Variants in RSU1 observed in about 807,000 individuals in gnomAD.
RSU1 encodes rsu-1.
In RSU1, 26 loss-of-function variants were observed where a neutral mutation model predicts 31.1. The ratio of observed to expected loss-of-function variants is 0.84; its 90% CI spans 0.61 to 1.16. The LOEUF (loss-of-function observed/expected upper bound fraction) is 1.16. Among genes scored for constraint, RSU1 ranks in the 50% most tolerant of loss-of-function variants. RSU1 has a pLI of 0.00. For synonymous variants in RSU1, 164 were observed against 136.3 expected (o/e 1.20, Z -1.41); for missense variants, 320 against 339.1 (o/e 0.94, Z 0.44).
intron 2 of RSU1, among the ~76,000 whole-genome samples, chr10:16,812,315 G>A (rs565069922): frequency 6.7e-4 from 102 of 152,266 alleles, no homozygotes; most frequent in African/African-American, 1.8e-3. Flanking sequence ...GGTGGCGCAC[G>A]CCTGTAACCC....
At chr10:16,743,388 T>C (rs912275054) in intron 7 of RSU1, among the ~76,000 whole-genome samples, 1 of 152,178 alleles carries the variant, frequency 6.6e-6, no homozygotes, top group African/African-American at 2.4e-5. Context: ...CTTGGTCCCA[T>C]CATCTTTAAA....
intron 2 of RSU1, among the ~76,000 whole-genome samples, chr10:16,798,114 G>A (rs1047894872): frequency 3.3e-5 from 5 of 151,746 alleles, no homozygotes; most frequent in Admixed American, 1.3e-4. Flanking sequence ...TGCCTGCCTC[G>A]GCCTCCCAAA....
chr10:16,751,375 AAG>A (rs1320651102), intron 7 of RSU1, among the ~76,000 whole-genome samples: 1 of 152,176 alleles, frequency 6.6e-6, no homozygotes, highest in East Asian at 1.9e-4. Flanking sequence ...GGGAAATGGC[AAG>A]AGAGGAGGCG....
intron 4 of RSU1, among the ~76,000 whole-genome samples, chr10:16,756,410 A>T (rs895123519): frequency 1.3e-5 from 2 of 152,134 alleles, no homozygotes; most frequent in African/African-American, 4.8e-5. Context: ...GTCCAATGAG[A>T]CATGGATATT....
intron 7 of RSU1, among the ~76,000 whole-genome samples, chr10:16,733,238 C>T (rs1836550483): frequency 6.6e-6 from 1 of 150,896 alleles, no homozygotes; most frequent in Non-Finnish European, 1.5e-5. Context: ...TGCCTGTAAT[C>T]CCAGCACTTT....
intron 8 of RSU1, among the ~76,000 whole-genome samples, chr10:16,643,250 T>C (rs879517483): frequency 2.0e-5 from 3 of 152,184 alleles, no homozygotes; most frequent in Non-Finnish European, 2.9e-5. Flanking sequence ...AGATGTGATC[T>C]GTTACTGAGA....
At chr10:16,637,549 G>A (rs2131497681) in intron 8 of RSU1, among the ~76,000 whole-genome samples, 1 of 152,078 alleles carries the variant, frequency 6.6e-6, no homozygotes, top group African/African-American at 2.4e-5. Flanking sequence ...AGAATCCTTA[G>A]GCGGGGATGA....
rs1588694178 is a variant in RSU1 at position 16,649,129 on chromosome 10, T to G, written c.731+45894A>C. On this transcript the variant is annotated intron_variant, in intron 8 of 8. Coordinates refer to ENST00000345264, the MANE Select transcript of RSU1 (RefSeq NM_012425.4). Reference sequence around the variant, plus strand: ...ACAATCTCATCTTTATTTTAATTTATTTTTTGAACCATCAATGCAGTCTTA... The same window carrying G: ...ACAATCTCATCTTTATTTTAATTTAGTTTTTGAACCATCAATGCAGTCTTA... Among the ~76,000 whole-genome samples the G allele has an allele frequency of 6.6e-5, 10 of 152,340 alleles. No homozygotes were observed. In the South Asian group the frequency reaches 1.7e-3, roughly 25 times the overall value.
At chr10:16,750,863 C>CTTT (rs11296913) in intron 7 of RSU1, among the ~76,000 whole-genome samples, 2 of 139,780 alleles carry the variant, frequency 1.4e-5, no homozygotes, top group African/African-American at 2.6e-5. Context: ...CAAGATCTCT[C>CTTT]TTTTTTTTTT....
At chr10:16,649,940 C>T (rs556455251) in intron 8 of RSU1, among the ~76,000 whole-genome samples, 1 of 152,334 alleles carries the variant, frequency 6.6e-6, no homozygotes, top group South Asian at 2.1e-4. Flanking sequence ...AAAGTAAACA[C>T]ATCTTGCCAT....
Position 16,695,157 on chromosome 10 carries a change from T to TGGCG in RSU1, c.599-3_599-2insCGCC. ...TCTGGCCAGTTAAATCCAAGTTTCCTGGGGGGGGGGAAAAAAAAAGTGAAG... is the reference window on the plus strand; with the variant it reads ...TCTGGCCAGTTAAATCCAAGTTTCCTGGCGGGGGGGGGGGAAAAAAAAAGTGAAG... On this transcript the variant is annotated splice_polypyrimidine_tract_variant and splice_region_variant and intron_variant, in intron 7 of 8. Transcript: ENST00000345264. The TGGCG allele has an allele frequency of 1.2e-5, 14 of 1,202,568 alleles. No homozygotes were observed. Among genetic ancestry groups the TGGCG allele is most frequent in the Middle Eastern group, 2.2e-4 (1 of 4,596 alleles). 74.5% of individuals were successfully genotyped at this position (1,202,568 alleles called of 1,614,324 possible).
At chr10:16,801,500 G>GT (rs1838155061) in intron 2 of RSU1, among the ~76,000 whole-genome samples, 3 of 152,130 alleles carry the variant, frequency 2.0e-5, no homozygotes, top group Admixed American at 2.0e-4. Flanking sequence ...CAGAAAATCA[G>GT]TAAGGACAGA....
intron 8 of RSU1, among the ~76,000 whole-genome samples, chr10:16,693,650 C>G (rs1228415309): frequency 6.6e-6 from 1 of 151,778 alleles, no homozygotes; most frequent in East Asian, 1.9e-4. Context: ...TGCTTGACAC[C>G]AGGAGTTTGA....
chr10:16,814,451 GAAA>G (rs369214166), intron 2 of RSU1, among the ~76,000 whole-genome samples: 56 of 121,182 alleles, frequency 4.6e-4, no homozygotes, highest in African/African-American at 1.5e-3. Context: ...CTGTTTTCAG[GAAA>G]AAAAAAAAAA....
chr10:16,640,631 C>G (rs1228389631), intron 8 of RSU1, among the ~76,000 whole-genome samples: 2 of 152,358 alleles, frequency 1.3e-5, no homozygotes, highest in East Asian at 3.9e-4. Context: ...GGCCTTACCC[C>G]CTGCTGCCAC....
intron 8 of RSU1, among the ~76,000 whole-genome samples, chr10:16,618,728 A>G (rs1834021292): frequency 6.6e-6 from 1 of 152,210 alleles, no homozygotes; most frequent in Non-Finnish European, 1.5e-5. Flanking sequence ...TAACACAGAA[A>G]CAGAAAACCA....
chr10:16,768,844 G>A (rs917565661), intron 3 of RSU1, among the ~76,000 whole-genome samples: 1 of 152,186 alleles, frequency 6.6e-6, no homozygotes, highest in African/African-American at 2.4e-5. Flanking sequence ...CAAAGTGCCT[G>A]AAGGGTTCAT....
At chr10:16,786,056 G>A (rs1588534702) in intron 2 of RSU1, among the ~76,000 whole-genome samples, 2 of 152,072 alleles carry the variant, frequency 1.3e-5, no homozygotes, top group South Asian at 2.1e-4. Context: ...AATTTCGTTG[G>A]TGACTGGCAT....
At chr10:16,759,226 C>A (rs1403313374) in intron 4 of RSU1, among the ~76,000 whole-genome samples, 1 of 152,094 alleles carries the variant, frequency 6.6e-6, no homozygotes, top group Admixed American at 6.5e-5. Flanking sequence ...CAGGCCGAGC[C>A]CAGTAGCTCA....
Sources: gnomAD v4.1 joint callset for allele counts (sites outside exome capture counted in the v4.1 genomes callset) on GRCh38, gnomAD v4.1.1 for gene constraint, MANE v1.5 for transcripts, NCBI Gene and HGNC (gene_info 2026-07-23, HGNC 2026-07-21) for gene names.